The following FYN variants were observed in gnomAD, a reference collection of about 807,000 sequenced individuals.
FYN encodes the protein tyrosine-protein kinase Fyn.
FYN carries 10 observed loss-of-function variants against 70.2 expected under a neutral mutation model. That is an observed-to-expected ratio of 0.14 (90% confidence interval 0.09 to 0.24). The LOEUF is 0.24. Among genes scored for constraint, FYN ranks in the 10% least tolerant of loss-of-function variants. FYN has a pLI of 1.00. For synonymous variants in FYN, 236 were observed against 248.6 expected, an observed-to-expected ratio of 0.95 and a Z score of 0.48; for missense variants, 319 against 673.1, an observed-to-expected ratio of 0.47 and a Z score of 5.82.
At chr6:111,853,504 G>A (rs567965043) in intron 1 of FYN, among the ~76,000 whole-genome samples, 1 of 152,226 alleles carries the variant, frequency 6.6e-6, no homozygotes, top group Non-Finnish European at 1.5e-5. Context: ...GGGACAATCA[G>A]GCAAGAGCAC....
intron 2 of FYN, among the ~76,000 whole-genome samples, chr6:111,820,249 A>G (rs939607242): frequency 9.9e-5 from 15 of 152,214 alleles, no homozygotes; most frequent in African/African-American, 3.6e-4. Flanking sequence ...TTATATAACC[A>G]TTATGCATTT....
At chr6:111,759,374 C>CT (rs1802900024) in intron 3 of FYN, among the ~76,000 whole-genome samples, 1 of 152,154 alleles carries the variant, frequency 6.6e-6, no homozygotes, top group African/African-American at 2.4e-5. Flanking sequence ...GTCTGCCTCT[C>CT]TTTTTATGCT....
At chr6:111,692,378 G>C (rs996959960) in intron 12 of FYN, among the ~76,000 whole-genome samples, 1 of 152,156 alleles carries the variant, frequency 6.6e-6, no homozygotes, top group East Asian at 1.9e-4. Context: ...CTAATGCAGA[G>C]GAACGGCTGG....
At chr6:111,868,018 CT>C (rs1774164054) in intron 1 of FYN, among the ~76,000 whole-genome samples, 1 of 152,084 alleles carries the variant, frequency 6.6e-6, no homozygotes, top group Admixed American at 6.6e-5. Flanking sequence ...CTGGGCTGTT[CT>C]TTCTGGGACA....
At chr6:111,798,003 TC>T (rs1771871627) in intron 2 of FYN, among the ~76,000 whole-genome samples, 1 of 152,040 alleles carries the variant, frequency 6.6e-6, no homozygotes, top group Non-Finnish European at 1.5e-5. Context: ...CCTCAGGTGA[TC>T]CGCCCGCCTC....
chr6:111,669,949 C>T (rs987770867), intron 13 of FYN, among the ~76,000 whole-genome samples: 1 of 151,840 alleles, frequency 6.6e-6, no homozygotes, highest in East Asian at 1.9e-4. Context: ...TTGGTCTGGA[C>T]ATGGGGAAGG....
In FYN at chr6:111,674,535, T is replaced by C; in HGVS notation, c.1369A>G (p.Thr457Ala). 6.2e-7 allele frequency: 1 copy of C among 1,613,912 alleles called. No homozygotes were observed. Among genetic ancestry groups the C allele is most frequent in the Admixed American group, 1.7e-5 (1 of 60,016 alleles). The stretch of plus-strand genomic sequence containing the variant: ...ACTCTTCCTTTGGTGACCAGCTCTG[T>C]GAGTAAGATTCCAAAAGACCACACG... ...SDVWSFGILL[T>A]ELVTKGRVPY... is the part of the protein sequence containing the mutation. Residue 457 changes from threonine (T) to alanine (A), a missense_variant, in exon 13 of 14, where the codon ACA (threonine) becomes GCA (alanine). By Grantham distance (58) the Thr-to-Ala change is moderately conservative. Around this residue, in one of 4 missense-constraint regions of FYN, gnomAD observed 64 missense variants for 223.0 expected, o/e 0.29. Coordinates refer to ENST00000354650, the MANE Select transcript of FYN (RefSeq NM_002037.5).
chr6:111,674,099 A>G (rs1302327661), intron 13 of FYN, among the ~76,000 whole-genome samples: 3 of 152,138 alleles, frequency 2.0e-5, no homozygotes, highest in Non-Finnish European at 4.4e-5. Context: ...GCTACAGTGT[A>G]ATCAAAAAGC....
chr6:111,856,800 T>C (rs577066738), intron 1 of FYN, among the ~76,000 whole-genome samples: 9 of 150,698 alleles, frequency 6.0e-5, no homozygotes, highest in South Asian at 4.2e-4. Context: ...TTGCTAAGAG[T>C]GTCACAATAA....
At chr6:111,712,220 G>A (rs988340082) in intron 5 of FYN, among the ~76,000 whole-genome samples, 4 of 152,338 alleles carry the variant, frequency 2.6e-5, no homozygotes, top group South Asian at 4.1e-4. Flanking sequence ...AGCCTCCTGA[G>A]AGCTGGGTCT....
intron 3 of FYN, among the ~76,000 whole-genome samples, chr6:111,748,443 G>C (rs1802334531): frequency 6.6e-6 from 1 of 152,226 alleles, no homozygotes; most frequent in South Asian, 2.1e-4. Flanking sequence ...TTTTATAGCA[G>C]TTCATGCTTG....
chr6:111,707,506 A>G (rs1005533801), intron 6 of FYN, among the ~76,000 whole-genome samples: 1 of 152,138 alleles, frequency 6.6e-6, no homozygotes, highest in African/African-American at 2.4e-5. Context: ...TTCTGATCAC[A>G]CTTAGGAGAA....
At chr6:111,718,829 G>A (rs535737449) in intron 4 of FYN, among the ~76,000 whole-genome samples, 1 of 152,334 alleles carries the variant, frequency 6.6e-6, no homozygotes, top group African/African-American at 2.4e-5. Context: ...GGCAGAGTGT[G>A]CTATGCTAGC....
chr6:111,721,436 T>A (rs1800936519), intron 3 of FYN, among the ~76,000 whole-genome samples: 2 of 152,204 alleles, frequency 1.3e-5, no homozygotes, highest in Admixed American at 6.5e-5. Context: ...AGCCGATCCC[T>A]CCTGTGACTT....
chr6:111,789,607 TG>T, intron 2 of FYN, among the ~76,000 whole-genome samples: 2 of 152,328 alleles, frequency 1.3e-5, no homozygotes, highest in Middle Eastern at 3.4e-3. Flanking sequence ...CTCATGAGAA[TG>T]AAGCATACAG....
chr6:111,747,409 T>C (rs1265998911), intron 3 of FYN, among the ~76,000 whole-genome samples: 3 of 152,230 alleles, frequency 2.0e-5, no homozygotes, highest in Admixed American at 6.5e-5. Flanking sequence ...ATTTCCTTAC[T>C]CTGTGGAACT....
chr6:111,809,268 C>T (rs1399803243), intron 2 of FYN, among the ~76,000 whole-genome samples: 1 of 152,224 alleles, frequency 6.6e-6, no homozygotes. Context: ...AAGATCCACA[C>T]AACTAACGTC....
chr6:111,691,281 C>T (rs1799303560), intron 12 of FYN, among the ~76,000 whole-genome samples: 2 of 152,202 alleles, frequency 1.3e-5, no homozygotes, highest in African/African-American at 4.8e-5. Flanking sequence ...CTATGCAATG[C>T]CACCTCATCT....
intron 1 of FYN, among the ~76,000 whole-genome samples, chr6:111,865,364 C>T (rs1774075676): frequency 6.6e-6 from 1 of 152,310 alleles, no homozygotes; most frequent in East Asian, 1.9e-4. Context: ...AATGGGAAAG[C>T]GCTCTCAACC....
Sources: gnomAD v4.1 joint callset for allele counts (sites outside exome capture counted in the v4.1 genomes callset) on GRCh38, gnomAD v4.1.1 for gene constraint, gnomAD v4.1.1 regional missense constraint, MANE v1.5 for transcripts, NCBI Gene and HGNC (gene_info 2026-07-23, HGNC 2026-07-21) for gene names.